DLGAP2: variants seen among roughly 807,000 people sequenced by gnomAD.
DLGAP2 encodes the protein DLG associated protein 2.
In DLGAP2, 26 loss-of-function variants were observed where a neutral mutation model predicts 100.3. The observed-to-expected ratio is 0.26, with a 90% CI of 0.19 to 0.36. The LOEUF (loss-of-function observed/expected upper bound fraction) is 0.36, where lower values mean the gene tolerates loss of function less well. DLGAP2 is among the 10% of genes least tolerant of loss of function. DLGAP2 has a pLI of 1.00. For missense variants in DLGAP2, 1,858 were observed against 1,453.2 expected, an observed-to-expected ratio of 1.28 and a Z score of -4.53; for synonymous variants, 886 against 630.1, an observed-to-expected ratio of 1.41 and a Z score of -6.08.
chr8:926,202 C>T (rs1028252844), intron 2 of DLGAP2, among the ~76,000 whole-genome samples: 2 of 152,152 alleles, frequency 1.3e-5, no homozygotes, highest in Non-Finnish European at 2.9e-5. Flanking sequence ...GAGCCCACGC[C>T]CACCACTCCC....
chr8:1,135,723 A>C (rs1380048268), intron 2 of DLGAP2, among the ~76,000 whole-genome samples: 1 of 152,068 alleles, frequency 6.6e-6, no homozygotes, highest in Non-Finnish European at 1.5e-5. Flanking sequence ...AAACCTCTCC[A>C]TGGATCCCTA....
intron 2 of DLGAP2, among the ~76,000 whole-genome samples, chr8:1,020,770 GA>G (rs1160267312): frequency 6.6e-6 from 1 of 152,234 alleles, no homozygotes; most frequent in Non-Finnish European, 1.5e-5. Flanking sequence ...CCAGGGCACA[GA>G]GGGGAGAGCT....
rs557646857 is a variant in DLGAP2 at position 958,160 on chromosome 8, T to C, written c.73+50194T>C. ...TATTTATAATGTTGATCTGGCTTAT[T>C]TCAGTTAGCATGATGTTTTCAAGAT... On this transcript the variant is annotated intron_variant, in intron 2 of 14. Coordinates refer to ENST00000637795, the MANE Select transcript of DLGAP2 (RefSeq NM_001346810.2). Among the ~76,000 whole-genome samples the C allele has an allele frequency of 1.0e-3, 155 of 152,348 alleles. 2 individuals are homozygous for C. The South Asian group carries it at 0.016, about 16-fold the overall frequency.
intron 3 of DLGAP2, among the ~76,000 whole-genome samples, chr8:1,492,106 CACTGGTAAAAA>C (rs1799406812): frequency 6.6e-6 from 1 of 152,176 alleles, no homozygotes; most frequent in Non-Finnish European, 1.5e-5. Context: ...GACATTTAAC[CACTGGTAAAAA>C]TTCTGCAGAC....
chr8:962,370 AC>A (rs1478021822), intron 2 of DLGAP2, among the ~76,000 whole-genome samples: 1 of 152,104 alleles, frequency 6.6e-6, no homozygotes, highest in African/African-American at 2.4e-5. Flanking sequence ...TCCATAATTA[AC>A]TTTTGTTCTG....
At chr8:1,482,358 CTCTG>C (rs1799121347) in intron 3 of DLGAP2, among the ~76,000 whole-genome samples, 2 of 152,370 alleles carry the variant, frequency 1.3e-5, no homozygotes, top group African/African-American at 4.8e-5. Context: ...AATCTCCACC[CTCTG>C]TCTGTTGTGG....
intron 8 of DLGAP2, among the ~76,000 whole-genome samples, chr8:1,644,125 C>A (rs1429881700): frequency 2.0e-5 from 3 of 151,710 alleles, no homozygotes; most frequent in African/African-American, 7.3e-5. Context: ...CGGCCCTCAC[C>A]TGTGTCACCC....
intron 2 of DLGAP2, among the ~76,000 whole-genome samples, chr8:1,095,278 G>C (rs545533822): frequency 3.9e-4 from 59 of 152,336 alleles, no homozygotes; most frequent in African/African-American, 1.4e-3. Context: ...GGAAAGAACA[G>C]AGAGATGGGT....
At position 776,219 on chromosome 8, in the gene DLGAP2, C is replaced by T. The variant is rs374512084; in HGVS notation, c.18+38394C>T. ...ATATCCCCTTTATCATTTTTTATTG[C>T]GTCTATTTGATTCTTCTCTCTTTTT... On this transcript the variant is annotated intron_variant, in intron 1 of 14. Transcript: ENST00000637795. Among the ~76,000 whole-genome samples, 71 of 151,784 alleles carry T rather than the reference C, an allele frequency of 4.7e-4. 2 individuals carry two copies. The South Asian group carries it at 8.7e-3, about 19-fold the overall frequency.
intron 5 of DLGAP2, among the ~76,000 whole-genome samples, chr8:1,556,316 G>A (rs1349807973): frequency 6.6e-6 from 1 of 152,246 alleles, no homozygotes; most frequent in East Asian, 1.9e-4. Flanking sequence ...GTGTGCAGGT[G>A]GGCGGAGTCC....
chr8:1,506,614 C>T (rs965492922), intron 4 of DLGAP2, among the ~76,000 whole-genome samples: 4 of 152,186 alleles, frequency 2.6e-5, no homozygotes, highest in East Asian at 1.9e-4. Context: ...AGCAGGTTGC[C>T]AGTGCCGGCT....
chr8:1,148,723 C>G (rs978893354), intron 2 of DLGAP2, among the ~76,000 whole-genome samples: 81 of 152,162 alleles, frequency 5.3e-4, no homozygotes, highest in African/African-American at 1.9e-3. Context: ...TTGCCATTTT[C>G]TAGTTAGCTT....
intron 1 of DLGAP2, chr8:740,383 A>G (rs1474992030): frequency 6.6e-6 from 1 of 152,158 alleles, no homozygotes; most frequent in Non-Finnish European, 1.5e-5. Context: ...AACTTTTTGT[A>G]TGCCTTTTGT....
chr8:919,211 A>C (rs1798657476), intron 2 of DLGAP2, among the ~76,000 whole-genome samples: 1 of 152,222 alleles, frequency 6.6e-6, no homozygotes, highest in African/African-American at 2.4e-5. Context: ...AAACTGGTTT[A>C]ATGTATTAGG....
intron 1 of DLGAP2, among the ~76,000 whole-genome samples, chr8:870,236 C>G (rs1367224440): frequency 6.6e-6 from 1 of 152,298 alleles, no homozygotes; most frequent in South Asian, 2.1e-4. Context: ...TGACAGGATC[C>G]CTGAGCTGTC....
intron 1 of DLGAP2, among the ~76,000 whole-genome samples, chr8:808,203 T>C (rs2132666221): frequency 6.6e-6 from 1 of 152,282 alleles, no homozygotes; most frequent in East Asian, 1.9e-4. Context: ...ATCACACAGG[T>C]TTGGCACATT....
intron 3 of DLGAP2, among the ~76,000 whole-genome samples, chr8:1,374,226 A>G (rs1056866739): frequency 3.3e-5 from 5 of 151,398 alleles, no homozygotes; most frequent in Non-Finnish European, 7.4e-5. Context: ...GGTGGAGGGT[A>G]GGTCACGTTT....
At chr8:874,677 T>C (rs150626473) in intron 1 of DLGAP2, among the ~76,000 whole-genome samples, 154 of 152,354 alleles carry the variant, frequency 1.0e-3, no homozygotes, top group African/African-American at 3.5e-3. Flanking sequence ...GAAGATCGTA[T>C]ATTCTGCTGC....
intron 1 of DLGAP2, among the ~76,000 whole-genome samples, chr8:794,908 G>A (rs1585870200): frequency 6.6e-6 from 1 of 152,126 alleles, no homozygotes; most frequent in African/African-American, 2.4e-5. Flanking sequence ...CCCTGGTGGC[G>A]TGAGTGAGGT....
Sources: allele counts gnomAD v4.1 joint callset (sites outside exome capture counted in the v4.1 genomes callset), GRCh38; gene constraint gnomAD v4.1.1; transcripts MANE v1.5; gene names NCBI Gene and HGNC (gene_info 2026-07-23, HGNC 2026-07-21).